The following FAM107A variants were observed in gnomAD, a reference collection of about 807,000 sequenced individuals.
FAM107A encodes the protein actin-associated protein FAM107A.
A neutral mutation model predicts 13.7 loss-of-function variants in FAM107A; 19 were observed. The observed-to-expected ratio is 1.38, with a 90% CI of 0.97 to 2.03. The LOEUF (loss-of-function observed/expected upper bound fraction) is 2.03, where lower values mean the gene tolerates loss of function less well. Among genes scored for constraint, FAM107A ranks in the 30% most tolerant of loss-of-function variants. The pLI, the probability that FAM107A is intolerant of heterozygous loss-of-function variation, is 0.00. For synonymous variants in FAM107A, 82 were observed against 74.5 expected, an observed-to-expected ratio of 1.10 and a Z score of -0.52; for missense variants, 203 against 184.4, an observed-to-expected ratio of 1.10 and a Z score of -0.58.
rs2065913268 is a variant in FAM107A, at chr3:58,617,362, G to A, written c.-70+10054C>T. Among the ~76,000 whole-genome samples the A allele has an allele frequency of 1.3e-5, 2 of 152,072 alleles. No individual in the cohort carries two copies. Among genetic ancestry groups the A allele is most frequent in the African/African-American group, 2.4e-5 (1 of 41,412 alleles). On this transcript the variant is annotated intron_variant, in intron 1 of 3. Transcript: ENST00000465970. The surrounding 1 kb of genome is among the most constrained non-coding windows in gnomAD (Gnocchi z 4.5). ...CTGGCTGAGCTCCTGCAGGTTCTAG[G>A]TGTGACATCATCCCTATGGGACACC...
rs1455779442 is a variant in FAM107A at position 58,566,531 on chromosome 3, G to A, written c.*57C>T. ...GGCCCAGGGCTGCCAGGTACAGAAG[G>A]GCTGAAGGAGGCTGTCCAGGCCAGG... On this transcript the variant is annotated 3_prime_UTR_variant, in exon 4 of 4. Coordinates refer to ENST00000360997, the MANE Select transcript of FAM107A (RefSeq NM_001076778.3). The A allele has an allele frequency of 1.6e-6, 2 of 1,263,568 alleles. No individual in the cohort carries two copies. Among genetic ancestry groups the A allele is most frequent in the East Asian group, 2.3e-5 (1 of 43,344 alleles). The allele number at this position is 1,263,568 out of a possible 1,614,324, so 78.3% of individuals were successfully genotyped here.
chr3:58,579,415 G>T (rs916666470), upstream of FAM107A, among the ~76,000 whole-genome samples: 1 of 152,070 alleles, frequency 6.6e-6, no homozygotes, highest in Non-Finnish European at 1.5e-5. Flanking sequence ...ACAATGTGTG[G>T]TCCCTTTTTT....
At chr3:58,588,350 C>T (rs1425832917), upstream of FAM107A, among the ~76,000 whole-genome samples, 1 of 152,238 alleles carries the variant, frequency 6.6e-6, no homozygotes, top group Non-Finnish European at 1.5e-5. Flanking sequence ...TCAAGGCCAA[C>T]TGTTGGCCAA....
chr3:58,575,259 C>T (rs572291619), intron 1 of FAM107A, among the ~76,000 whole-genome samples: 1 of 152,308 alleles, frequency 6.6e-6, no homozygotes, highest in South Asian at 2.1e-4. Context: ...AGTAGCTTAA[C>T]CTCTCTGAGC....
intron 1 of FAM107A, among the ~76,000 whole-genome samples, chr3:58,612,409 G>T (rs1464478899): frequency 7.9e-5 from 12 of 151,926 alleles, no homozygotes; most frequent in Non-Finnish European, 1.8e-4. Flanking sequence ...GTGATAACTC[G>T]TCTCTACAAA....
upstream of FAM107A, among the ~76,000 whole-genome samples, chr3:58,581,603 C>T (rs567402771): frequency 2.6e-5 from 4 of 151,478 alleles, no homozygotes; most frequent in South Asian, 8.4e-4. Flanking sequence ...TAAACCGTGC[C>T]CCCCGCCTCT....
At chr3:58,586,599 G>A (rs1226358018) in intron 1 of FAM107A, among the ~76,000 whole-genome samples, 1 of 152,072 alleles carries the variant, frequency 6.6e-6, no homozygotes. Context: ...TGAGGCGGGA[G>A]GATGGGGAGG....
At chr3:58,574,352 T>G (rs529625824) in intron 1 of FAM107A, 1 of 152,330 alleles carries the variant, frequency 6.6e-6, no homozygotes, top group African/African-American at 2.4e-5. Context: ...CGGCTTGGCT[T>G]TGGGGATTTT....
At chr3:58,587,118 G>T (rs1028485191), upstream of FAM107A, 4 of 1,371,350 alleles carry the variant, frequency 2.9e-6, no homozygotes, top group East Asian at 6.0e-5. Flanking sequence ...GGGGAAGGAG[G>T]GGGGCAGGGG....
chr3:58,573,199 G>T (rs1203805386), intron 1 of FAM107A, among the ~76,000 whole-genome samples: 1 of 152,174 alleles, frequency 6.6e-6, no homozygotes, highest in Non-Finnish European at 1.5e-5. Context: ...GCCACTCAGG[G>T]TGCTGAACCC....
chr3:58,574,713 G>GT (rs1452704380), intron 1 of FAM107A, among the ~76,000 whole-genome samples: 6 of 152,160 alleles, frequency 3.9e-5, no homozygotes, highest in African/African-American at 1.4e-4. Flanking sequence ...GACTGATGTT[G>GT]TTTTTCCTGG....
chr3:58,600,233 G>A (rs1169176588), intron 1 of FAM107A, among the ~76,000 whole-genome samples: 1 of 152,072 alleles, frequency 6.6e-6, no homozygotes, highest in African/African-American at 2.4e-5. Flanking sequence ...AGATGCTCTC[G>A]AATCCTCACA....
chr3:58,619,568 T>C (rs1156555371), intron 1 of FAM107A, among the ~76,000 whole-genome samples: 5 of 152,188 alleles, frequency 3.3e-5, no homozygotes. Flanking sequence ...ACCTGATTAA[T>C]CCTTCTTCGT....
At chr3:58,583,365 G>A (rs2065568911) in intron 1 of FAM107A, among the ~76,000 whole-genome samples, 2 of 152,046 alleles carry the variant, frequency 1.3e-5, no homozygotes, top group South Asian at 2.1e-4. Context: ...GCTCATGCCT[G>A]TAATCCCAGC....
intron 1 of FAM107A, among the ~76,000 whole-genome samples, chr3:58,573,906 T>G (rs1333653321): frequency 6.6e-6 from 1 of 152,232 alleles, no homozygotes; most frequent in Admixed American, 6.5e-5. Flanking sequence ...GCTTTTGATC[T>G]GGTGTTTCCT....
At chr3:58,577,790 G>A, upstream of FAM107A, 1 of 946,090 alleles carries the variant, frequency 1.1e-6, no homozygotes, top group Non-Finnish European at 1.3e-6. The surrounding 1 kb of genome is among the most constrained non-coding windows in gnomAD (Gnocchi z 4.9). Context: ...AGGAGAAAAT[G>A]GCTCTGGGGG....
rs1282199452 is a variant in FAM107A at position 58,599,696 on chromosome 3, A to T, written c.-69-10427T>A. Among the ~76,000 whole-genome samples, 709 of 78,584 alleles carry T rather than the reference A, an allele frequency of 9.0e-3. 5 individuals carry two copies. The highest frequency in any genetic ancestry group is 0.015 in the Non-Finnish European group (577 of 37,394). 51.6% of individuals were successfully genotyped at this position (78,584 alleles called of 152,430 possible). On this transcript the variant is annotated intron_variant, in intron 1 of 3. Transcript: ENST00000465970. ...GTGGTATACTTAAAACAAGTGCACC[A>T]TTTTTTTTTTTTTTTTTTTTTTTTT...
intron 1 of FAM107A, among the ~76,000 whole-genome samples, chr3:58,571,033 G>A (rs565871125): frequency 6.6e-6 from 1 of 152,336 alleles, no homozygotes; most frequent in South Asian, 2.1e-4. Flanking sequence ...ACTGGGAAGG[G>A]GATGAGAACC....
At chr3:58,583,306 G>A (rs979064176) in intron 1 of FAM107A, among the ~76,000 whole-genome samples, 3 of 152,174 alleles carry the variant, frequency 2.0e-5, no homozygotes, top group African/African-American at 7.2e-5. Flanking sequence ...TATCTATGGT[G>A]AGCATGTCTT....
Sources: allele counts gnomAD v4.1 joint callset (sites outside exome capture counted in the v4.1 genomes callset), GRCh38; gene constraint gnomAD v4.1.1; non-coding constraint Gnocchi (gnomAD v3.1); transcripts MANE v1.5; gene names NCBI Gene and HGNC (gene_info 2026-07-23, HGNC 2026-07-21).